Variants in LAMA5 observed in about 807,000 individuals in gnomAD.
LAMA5 encodes laminin subunit alpha 5, also known as laminin subunit alpha-5.
Under a neutral mutation model 433.4 loss-of-function variants are expected in LAMA5, and 260 were observed. The observed-to-expected ratio is 0.60, with a 90% CI of 0.54 to 0.66. The LOEUF (loss-of-function observed/expected upper bound fraction) is 0.66. Among genes scored for constraint, LAMA5 ranks in the 30% least tolerant of loss-of-function variants. The probability of loss-of-function intolerance (pLI) is 0.00; values close to 1 mark genes in which losing one functional copy is unlikely to be tolerated. For synonymous variants in LAMA5, 2,620 were observed against 2,226.6 expected (o/e 1.18, Z -4.97); for missense variants, 5,378 against 5,258.5 (o/e 1.02, Z -0.70).
chr20:62,324,115 G>A lies in LAMA5; in HGVS notation c.5733C>T (p.Val1911=). 6.6e-7 allele frequency: 1 copy of A among 1,523,790 alleles called. No homozygotes were observed. The highest frequency in any genetic ancestry group is 8.8e-7 in the Non-Finnish European group (1 of 1,138,682). The allele number at this position is 1,523,790 out of a possible 1,614,324, so 94.4% of individuals were successfully genotyped here. ...GCACTGAGAGGGGGCAGGGGCAGCT[G>A]ACACAGGGGGCGCTGGGGTCGTCCC... is the stretch of plus-strand genomic sequence containing the variant. ...SSRDDPSAPC[V]SCPCPLSVPS... is the part of the protein sequence containing the mutation. Residue 1911 remains valine (V), a synonymous_variant, in exon 43 of 80, where the codon GTC becomes GTT. Coordinates refer to ENST00000252999, the MANE Select transcript of LAMA5 (RefSeq NM_005560.6). This position sits in a 1 kb window ranked among gnomAD's most constrained non-coding sequence, Gnocchi z 4.4.
intron 33 of LAMA5, 28 bp downstream of exon 33, chr20:62,329,110 A>C: frequency 1.2e-6 from 2 of 1,611,704 alleles, no homozygotes; most frequent in Admixed American, 3.3e-5. Context: ...CCCACCCCGG[A>C]CCCCTGACCT....
chr20:62,324,237 G>A lies in LAMA5; in HGVS notation c.5644-33C>T. On this transcript the variant is annotated intron_variant, in intron 42 of 79. Transcript: ENST00000252999. This position sits in a 1 kb window ranked among gnomAD's most constrained non-coding sequence, Gnocchi z 4.4. ...AGAGTGGACAGTCAGAGCTATGGTG[G>A]ACACCCACATCCTACTGCCGAGTCT... 1 of 1,576,684 alleles carries A rather than the reference G, an allele frequency of 6.3e-7. No individual in the cohort carries two copies. Among genetic ancestry groups the A allele is most frequent in the Non-Finnish European group, 8.5e-7 (1 of 1,171,026 alleles).
intron 51 of LAMA5, 81 bp downstream of exon 51, chr20:62,319,603 A>C: frequency 1.0e-6 from 1 of 984,112 alleles, no homozygotes; most frequent in Non-Finnish European, 1.5e-6. Flanking sequence ...CTTCCAGGCC[A>C]AGCTCGGCCA....
intron 79 of LAMA5, 81 bp downstream of exon 79, chr20:62,309,635 G>GGGAGGGGGCAGGGGGAGGA: frequency 1.7e-6 from 1 of 605,650 alleles, no homozygotes; most frequent in Non-Finnish European, 2.4e-6. Flanking sequence ...AGGGGGTGGA[G>GGGAGGGGGCAGGGGGAGGA]GGGTGGGGGG....
chr20:62,321,465 G>GGAC (rs1568917925), intron 48 of LAMA5, among the ~76,000 whole-genome samples: 1 of 28,014 alleles, frequency 3.6e-5, no homozygotes, highest in Non-Finnish European at 6.7e-5. Context: ...GGCCAGCAGA[G>GGAC]GGGTGGGGTC....
chr20:62,338,663 C>T (rs1982105566), intron 11 of LAMA5, 55 bp from the exon 12 acceptor site: 3 of 1,522,756 alleles, frequency 2.0e-6, no homozygotes, highest in Admixed American at 2.0e-5. Flanking sequence ...CCCCAGTACG[C>T]CCCTCCTGGC....
Position 62,312,529 on chromosome 20 carries a change from C to T in LAMA5, c.9231G>A (p.Leu3077=). Residue 3077 remains leucine (L), a synonymous_variant, in exon 68 of 80, where the codon CTG becomes CTA. Transcript: ENST00000252999. The stretch of plus-strand genomic sequence containing the variant: ...AGCCTCCGGTGGGGAAGAGCCGTCG[C>T]AGGCTGTGGGGAAGCGGGGATGCGG... ...GVPPDQLPPS[L]RRLFPTGGSV... The T allele has an allele frequency of 6.3e-7, 1 of 1,599,398 alleles. No homozygotes were observed.
chr20:62,318,302 GGGAAGAAGA>G, intron 53 of LAMA5, 143 bp downstream of exon 53: 4 of 274,236 alleles, frequency 1.5e-5, no homozygotes, highest in Non-Finnish European at 2.0e-5. Context: ...GGAGGAGGGG[GGGAAGAAGA>G]GGAGGAGGGG....
chr20:62,329,717 A>C lies in LAMA5; in HGVS notation c.4119+60T>G, dbSNP rs182951536. On this transcript the variant is annotated intron_variant, in intron 32 of 79. Coordinates refer to ENST00000252999, the MANE Select transcript of LAMA5 (RefSeq NM_005560.6). ...GACAGACCCAGCCCAAGTGTACCAC[A>C]GTGGTAATGACAAGTATAAGGACAG... 113 of 1,590,382 alleles carry C rather than the reference A, an allele frequency of 7.1e-5. No individual in the cohort carries two copies. The East Asian group carries it at 2.4e-3, about 34-fold the overall frequency.
Position 62,327,364 on chromosome 20 carries a change from G to A in LAMA5, c.4981C>T (p.Gln1661Ter). 1 of 1,598,238 alleles carries A rather than the reference G, an allele frequency of 6.3e-7. No individual in the cohort carries two copies. Among genetic ancestry groups the A allele is most frequent in the Non-Finnish European group, 8.5e-7 (1 of 1,172,312 alleles). The change falls in exon 38 of 80, where the codon CAG (glutamine) becomes TAG (stop). Residue 1661 changes from glutamine to a stop codon, truncating the protein, a stop_gained. Coordinates refer to ENST00000252999, the MANE Select transcript of LAMA5 (RefSeq NM_005560.6). LOFTEE classifies it high-confidence loss of function. ...GGCTGCCGCTCGTGGGGCACCACCT[G>A]CCGGTCAGTGCTCAGCAGCACCCAT... ...EGWVLLSTDRQVVPHERQPGT... is the reference protein window; with the variant it reads ...EGWVLLSTDR
chr20:62,356,820 T>G (rs541913822), intron 2 of LAMA5, among the ~76,000 whole-genome samples: 2 of 151,928 alleles, frequency 1.3e-5, no homozygotes, highest in East Asian at 3.9e-4. Context: ...CATGAGGGCA[T>G]GAAGGTTTGA....
Position 62,318,897 on chromosome 20 carries a change from C to T in LAMA5, c.6988G>A (p.Asp2330Asn), listed in dbSNP as rs1329073255. The T allele has an allele frequency of 8.7e-6, 14 of 1,606,386 alleles. No homozygotes were observed. Among genetic ancestry groups the T allele is most frequent in the Non-Finnish European group, 1.1e-5 (13 of 1,178,358 alleles). ...GCTGCTGCCTGCGGGGCCCCCAGGT[C>T]CCGGGCCCGCATCTCCCAGAGCAGC... is the stretch of plus-strand genomic sequence containing the variant. ...ERLLWEMRARDLGAPQAAAEA... is the reference protein window; with the variant it reads ...ERLLWEMRARNLGAPQAAAEA... The change falls in exon 52 of 80, where the codon GAC (aspartate) becomes AAC (asparagine). Residue 2330 changes from aspartate (D) to asparagine (N), a missense_variant. Transcript: ENST00000252999.
intron 9 of LAMA5, 92 bp from the exon 10 acceptor site, chr20:62,346,307 G>A (rs1452286973): frequency 1.3e-6 from 2 of 1,488,918 alleles, no homozygotes; most frequent in Non-Finnish European, 1.8e-6. Flanking sequence ...CCCAGCCAGG[G>A]CCATGGGGAT....
In LAMA5 at chr20:62,310,946, G is replaced by A. The variant is rs536483551; in HGVS notation, c.10237C>T (p.Arg3413Cys). Residue 3413 changes from arginine to cysteine, a missense_variant, in exon 74 of 80, where the codon CGC becomes TGC. Arg to Cys is a radical substitution (Grantham distance 180). Transcript: ENST00000252999. The stretch of plus-strand genomic sequence containing the variant: ...CGGGAGCGCTGGCGGCTCTGGGCGC[G>A]GAGCCGAGTCCCGAGGCCTTCCATC... ...AQMEGLGTRL[R>C]AQSRQRSRPG... 35 of 1,611,258 alleles carry A rather than the reference G, an allele frequency of 2.2e-5. No homozygotes were observed. The highest frequency in any genetic ancestry group is 8.8e-5 in the South Asian group (8 of 90,996).
chr20:62,319,410 A>C lies in LAMA5; in HGVS notation c.6871+274T>G, dbSNP rs920806655. ...TCCTGAGTCCCATGTCTCAGTGTGC[A>C]CTACGGGATATCTGTGAGCGCGAAC... On this transcript the variant is annotated intron_variant, in intron 51 of 79. Coordinates refer to ENST00000252999, the MANE Select transcript of LAMA5 (RefSeq NM_005560.6). Among the ~76,000 whole-genome samples, 9 of 151,838 alleles carry C rather than the reference A, an allele frequency of 5.9e-5. 1 individual carries two copies. Among genetic ancestry groups the C allele is most frequent in the Non-Finnish European group, 1.3e-4 (9 of 67,930 alleles).
chr20:62,353,053 C>A, intron 3 of LAMA5, 81 bp downstream of exon 3: 1 of 1,014,302 alleles, frequency 9.9e-7, no homozygotes, highest in Non-Finnish European at 1.5e-6. Flanking sequence ...TATTCGGAGA[C>A]CTTCAGAAGC....
At position 62,316,745 on chromosome 20, in the gene LAMA5, C is replaced by T. The variant is rs200959437; in HGVS notation, c.7682G>A (p.Arg2561Gln). The T allele has an allele frequency of 2.0e-4, 321 of 1,608,502 alleles. No individual in the cohort carries two copies. In the East Asian group the frequency reaches 2.8e-3, roughly 14 times the overall value. The change falls in exon 57 of 80, where the codon CGA becomes CAA. Residue 2561 changes from arginine to glutamine, a missense_variant. Coordinates refer to ENST00000252999, the MANE Select transcript of LAMA5 (RefSeq NM_005560.6). ...GCTGTTGGCCAGGAGCTGCTGGGCT[C>T]GGTCCACCAGGCCCTGCCGCACCAC... Reference protein sequence around the residue: ...ATVVRQGLVDRAQQLLANSTA... With the variant: ...ATVVRQGLVDQAQQLLANSTA...
At position 62,316,978 on chromosome 20, in the gene LAMA5, G is replaced by C; in HGVS notation, c.7557C>G (p.Ile2519Met). 3 of 1,562,206 alleles carry C rather than the reference G, an allele frequency of 1.9e-6. No homozygotes were observed. Among genetic ancestry groups the C allele is most frequent in the Non-Finnish European group, 2.6e-6 (3 of 1,150,848 alleles). Reference sequence around the variant, plus strand: ...TGCGGCTGTAGGCGTTGGAGGCCTCGATGGCCCTCTGGGTGAGGCGGTCCT... The same window carrying C: ...TGCGGCTGTAGGCGTTGGAGGCCTCCATGGCCCTCTGGGTGAGGCGGTCCT... ...VNQDRLTQRA[I>M]EASNAYSRIL... The change falls in exon 56 of 80, where the codon ATC (isoleucine) becomes ATG (methionine). Residue 2519 changes from isoleucine (I) to methionine (M), a missense_variant. Ile to Met is a conservative substitution (Grantham distance 10, BLOSUM62 1). Transcript: ENST00000252999.
In LAMA5 at chr20:62,328,411, G is replaced by C; in HGVS notation, c.4482C>G (p.Leu1494=). ...CDCGARLCDE[L]TGQCICPPRT... ...GTGGCGGGCAGATGCACTGGCCCGTGAGCTCGTCACAGAGGCGGGCACCGC... is the reference window on the plus strand; with the variant it reads ...GTGGCGGGCAGATGCACTGGCCCGTCAGCTCGTCACAGAGGCGGGCACCGC... The change falls in exon 35 of 80, where the codon CTC becomes CTG. Residue 1494 remains leucine, a synonymous_variant. Transcript: ENST00000252999. The C allele has an allele frequency of 6.5e-7, 1 of 1,531,892 alleles. No homozygotes were observed. The allele number at this position is 1,531,892 out of a possible 1,614,324, so 94.9% of individuals were successfully genotyped here.
Sources: gnomAD v4.1 joint callset for allele counts (sites outside exome capture counted in the v4.1 genomes callset) on GRCh38, gnomAD v4.1.1 for gene constraint, Gnocchi (gnomAD v3.1) non-coding constraint, MANE v1.5 for transcripts, NCBI Gene and HGNC (gene_info 2026-07-23, HGNC 2026-07-21) for gene names.